GRIK3: variants seen among roughly 807,000 people sequenced by gnomAD.
The protein encoded by GRIK3 is glutamate ionotropic receptor kainate type subunit 3, also known as glutamate receptor ionotropic, kainate 3.
Under a neutral mutation model 102.5 loss-of-function variants are expected in GRIK3, and 29 were observed. The ratio of observed to expected loss-of-function variants is 0.28; its 90% CI spans 0.21 to 0.39. The LOEUF (loss-of-function observed/expected upper bound fraction) is 0.39. GRIK3 is among the 10% of genes least tolerant of loss of function. GRIK3 has a pLI of 1.00. For synonymous variants in GRIK3, 511 were observed against 504.9 expected (o/e 1.01, Z -0.16); for missense variants, 908 against 1,252.4 (o/e 0.73, Z 4.15).
At chr1:36,849,840 G>C in intron 9 of GRIK3, 1 of 156,372 alleles carries the variant, frequency 6.4e-6, no homozygotes, top group South Asian at 2.0e-4. Context: ...CAGGGGGTGT[G>C]GCAGTGGCTG....
intron 15 of GRIK3, among the ~76,000 whole-genome samples, chr1:36,802,784 T>C (rs1642456610): frequency 6.6e-6 from 1 of 152,178 alleles, no homozygotes; most frequent in South Asian, 2.1e-4. Context: ...GCCAGGGCAC[T>C]AGCACCAGGA....
chr1:36,805,602 A>G (rs1280187808), intron 14 of GRIK3, among the ~76,000 whole-genome samples: 1 of 152,196 alleles, frequency 6.6e-6, no homozygotes, highest in African/African-American at 2.4e-5. Context: ...GGCCACCCTC[A>G]CAAGGCATGC....
chr1:36,943,718 C>T (rs1386087547), intron 1 of GRIK3, among the ~76,000 whole-genome samples: 1 of 152,180 alleles, frequency 6.6e-6, no homozygotes, highest in Non-Finnish European at 1.5e-5. Flanking sequence ...AGCTATCACT[C>T]ATTCATTAAT....
intron 9 of GRIK3, among the ~76,000 whole-genome samples, chr1:36,844,512 T>C (rs528571): frequency 0.011 from 1,615 of 152,302 alleles, 27 homozygotes; most frequent in African/African-American, 0.036. Flanking sequence ...ATGGACAAGT[T>C]GCACCACTGC....
At chr1:36,997,887 G>A (rs1642436705) in intron 1 of GRIK3, among the ~76,000 whole-genome samples, 1 of 152,132 alleles carries the variant, frequency 6.6e-6, no homozygotes, top group Non-Finnish European at 1.5e-5. Flanking sequence ...GCCATACCAG[G>A]CCTAGGGAGA....
intron 1 of GRIK3, among the ~76,000 whole-genome samples, chr1:36,953,795 G>T (rs1212607639): frequency 6.6e-6 from 1 of 152,096 alleles, no homozygotes; most frequent in African/African-American, 2.4e-5. Flanking sequence ...CAGAGGGGAT[G>T]CTCACACAGG....
chr1:36,919,638 T>G (rs899801685), intron 1 of GRIK3, among the ~76,000 whole-genome samples: 3 of 152,154 alleles, frequency 2.0e-5, no homozygotes, highest in African/African-American at 7.2e-5. Context: ...TTTCTCACTC[T>G]CTGTCTCAGA....
chr1:36,985,823 G>A (rs373299359), intron 1 of GRIK3, among the ~76,000 whole-genome samples: 16 of 152,188 alleles, frequency 1.1e-4, no homozygotes, highest in Admixed American at 7.2e-4. Context: ...TGGGCTCCCC[G>A]TCTCCCTGCT....
chr1:36,923,112 C>T (rs1204583629), intron 1 of GRIK3, among the ~76,000 whole-genome samples: 1 of 152,210 alleles, frequency 6.6e-6, no homozygotes, highest in African/African-American at 2.4e-5. Context: ...AGTTGTTCAA[C>T]AGATGGGCAG....
chr1:36,912,164 C>T (rs1641352224), intron 1 of GRIK3, among the ~76,000 whole-genome samples: 2 of 152,262 alleles, frequency 1.3e-5, no homozygotes, highest in South Asian at 4.1e-4. Context: ...ACGCTTTTCT[C>T]TTCTGAGCCT....
At chr1:36,887,679 C>T (rs929019592) in intron 2 of GRIK3, among the ~76,000 whole-genome samples, 13 of 150,822 alleles carry the variant, frequency 8.6e-5, no homozygotes, top group African/African-American at 3.2e-4. Flanking sequence ...TTGCTTGAAC[C>T]CAAGAGGCGG....
chr1:36,827,095 C>G (rs1031276838), intron 10 of GRIK3, among the ~76,000 whole-genome samples: 18 of 152,294 alleles, frequency 1.2e-4, no homozygotes, highest in Non-Finnish European at 2.5e-4. Flanking sequence ...TCCCTCGCAG[C>G]CTCCATCTCT....
chr1:36,862,328 G>T (rs536926862), intron 5 of GRIK3, among the ~76,000 whole-genome samples: 1 of 152,176 alleles, frequency 6.6e-6, no homozygotes, highest in South Asian at 2.1e-4. Context: ...CAGAGAGCTG[G>T]TTGTTAAACA....
chr1:36,920,988 C>T (rs1019449587), intron 1 of GRIK3, among the ~76,000 whole-genome samples: 2 of 152,168 alleles, frequency 1.3e-5, no homozygotes, highest in African/African-American at 4.8e-5. Flanking sequence ...AGGTGGGAAT[C>T]ACCCTCTGCT....
chr1:36,855,383 G>A (rs947460737), intron 7 of GRIK3, among the ~76,000 whole-genome samples: 1 of 152,198 alleles, frequency 6.6e-6, no homozygotes, highest in Non-Finnish European at 1.5e-5. Context: ...ACAGTTCCCT[G>A]GAGTTTCATT....
rs1453270846 is a variant in GRIK3 at position 36,851,459 on chromosome 1, GCTCTT to G, written c.1213-1040_1213-1036del. ...GAAAGTGGTAGACGGCATCGAAGAG[GCTCTT>G]CTCTTAAGTGGGCTGAGCTCAGAGC... On this transcript the variant is annotated intron_variant, in intron 8 of 15. Transcript: ENST00000373091. Among the ~76,000 whole-genome samples, 5 of 152,258 alleles carry G rather than the reference GCTCTT, an allele frequency of 3.3e-5. No homozygotes were observed. The South Asian group carries it at 8.3e-4, about 25-fold the overall frequency.
intron 1 of GRIK3, among the ~76,000 whole-genome samples, chr1:37,023,326 C>CAAA (rs34286119): frequency 6.7e-5 from 8 of 118,906 alleles, no homozygotes; most frequent in African/African-American, 2.3e-4. Flanking sequence ...GACTCTATCT[C>CAAA]AAAAAAAAAA....
At chr1:37,014,586 C>A (rs796199145) in intron 1 of GRIK3, among the ~76,000 whole-genome samples, 20 of 152,348 alleles carry the variant, frequency 1.3e-4, no homozygotes, top group African/African-American at 4.8e-4. Context: ...CCACTCTGTG[C>A]CAGGCAGGCA....
intron 1 of GRIK3, among the ~76,000 whole-genome samples, chr1:36,895,757 G>T (rs1428882223): frequency 6.6e-6 from 1 of 152,016 alleles, no homozygotes; most frequent in South Asian, 2.1e-4. Flanking sequence ...CCAAACCACT[G>T]ATCTAGGATC....
Sources: gnomAD v4.1 joint callset for allele counts (sites outside exome capture counted in the v4.1 genomes callset) on GRCh38, gnomAD v4.1.1 for gene constraint, MANE v1.5 for transcripts, NCBI Gene and HGNC (gene_info 2026-07-23, HGNC 2026-07-21) for gene names.